BEAN1: variants seen among roughly 807,000 people sequenced by gnomAD.
BEAN1 encodes brain expressed associated with NEDD4 1.
A neutral mutation model predicts 17.7 loss-of-function variants in BEAN1; 17 were observed. The observed-to-expected ratio is 0.96, with a 90% CI of 0.66 to 1.44. The LOEUF is 1.44. BEAN1 is among the 40% of genes most tolerant of loss of function. The pLI is 0.00. For missense variants in BEAN1, 359 were observed against 374.1 expected (o/e 0.96, Z 0.33); for synonymous variants, 142 against 151.8 (o/e 0.94, Z 0.47).
chr16:66,480,861 G>T lies in BEAN1; in HGVS notation c.716G>T (p.Arg239Met). 1 of 1,498,068 alleles carries T rather than the reference G, an allele frequency of 6.7e-7. No homozygotes were observed. The highest frequency in any genetic ancestry group is 1.4e-5 in the African/African-American group (1 of 72,024). The allele number at this position is 1,498,068 out of a possible 1,614,324, so 92.8% of individuals were successfully genotyped here. The change falls in exon 5 of 5, where the codon AGG (arginine) becomes ATG (methionine). Residue 239 changes from arginine (R) to methionine (M), a missense_variant. Coordinates refer to ENST00000536005, the MANE Select transcript of BEAN1 (RefSeq NM_001178020.3). ...LPLPGPDPGPRGSQGSPTPTR... is the reference protein window; with the variant it reads ...LPLPGPDPGPMGSQGSPTPTR... ...CTGCCGGGCCCAGACCCAGGGCCAA[G>T]GGGCTCCCAGGGCTCACCCACCCCA... is the stretch of plus-strand genomic sequence containing the variant.
Position 66,493,524 on chromosome 16 carries a change from C to G in BEAN1, c.*83C>G. The G allele has an allele frequency of 1.2e-5, 7 of 586,552 alleles. No individual in the cohort carries two copies. In the South Asian group the frequency reaches 1.3e-4, roughly 11 times the overall value. 36.3% of individuals were successfully genotyped at this position (586,552 alleles called of 1,614,324 possible). A position where few individuals can be genotyped will look rare whatever the true frequency, so the allele number is the denominator to read the frequency against. ...AGTGACCCTGTCTTACACTGGATGC[C>G]CTGGTTTCCCAAGGACATTTTCCTG... is the stretch of plus-strand genomic sequence containing the variant. On this transcript the variant is annotated 3_prime_UTR_variant, in exon 5 of 5. Transcript: ENST00000561796.
At position 66,457,659 on chromosome 16, in the gene BEAN1, G is replaced by A. The variant is rs999361840; in HGVS notation, c.26-11943G>A. 4.6e-5 allele frequency among the ~76,000 whole-genome samples: 7 copies of A among 151,762 alleles called. No homozygotes were observed. In the South Asian group the frequency reaches 1.0e-3, roughly 23 times the overall value. On this transcript the variant is annotated intron_variant, in intron 2 of 4. Coordinates refer to ENST00000536005, the MANE Select transcript of BEAN1 (RefSeq NM_001178020.3). ...TCCTGATATGCTTAGTTCATCTTTCGAGACCCAGCCCTTCTGTGTCCTCCT... is the reference window on the plus strand; with the variant it reads ...TCCTGATATGCTTAGTTCATCTTTCAAGACCCAGCCCTTCTGTGTCCTCCT...
chr16:66,469,781 C>G lies in BEAN1; in HGVS notation c.205C>G (p.Arg69Gly). ...CAGGGACAGGCAGGCCCGGCTTCAGCGGCACCGCCACCGCCACCACCGCCA... is the reference window on the plus strand; with the variant it reads ...CAGGGACAGGCAGGCCCGGCTTCAGGGGCACCGCCACCGCCACCACCGCCA... ...IRRDRQARLQ[R>G]HRHRHHRHHH... is the part of the protein sequence containing the mutation. Residue 69 changes from arginine to glycine, a missense_variant, in exon 3 of 5, where the codon CGG becomes GGG. Transcript: ENST00000536005. 1 of 1,535,966 alleles carries G rather than the reference C, an allele frequency of 6.5e-7. No homozygotes were observed. Among genetic ancestry groups the G allele is most frequent in the Admixed American group, 2.0e-5 (1 of 51,006 alleles).
At chr16:66,479,520 G>A (rs913219074) in intron 4 of BEAN1, among the ~76,000 whole-genome samples, 34 of 152,160 alleles carry the variant, frequency 2.2e-4, no homozygotes, top group Admixed American at 7.2e-4. Context: ...GCACGACTAC[G>A]AAGACAGAGG....
At chr16:66,454,853 T>C (rs952667056) in intron 2 of BEAN1, among the ~76,000 whole-genome samples, 5 of 152,012 alleles carry the variant, frequency 3.3e-5, no homozygotes, top group Middle Eastern at 3.4e-3. Context: ...TTGGATGGGC[T>C]CTTTCCAACA....
chr16:66,484,163 C>A (rs1342476185), downstream of BEAN1: 1 of 206,676 alleles, frequency 4.8e-6, no homozygotes. This position sits in a 1 kb window ranked among gnomAD's most constrained non-coding sequence, Gnocchi z 4.2. Flanking sequence ...TTATGTCCCC[C>A]TCTCTGTAAG....
At chr16:66,437,522 G>A (rs1962073647) in intron 1 of BEAN1, 73 bp from the exon 2 acceptor site, 1 of 857,864 alleles carries the variant, frequency 1.2e-6, no homozygotes, top group East Asian at 2.7e-5. Context: ...CTCAGGAGAT[G>A]TGAGCGCCCA....
At chr16:66,489,701 G>A (rs1421517383) in intron 4 of BEAN1, among the ~76,000 whole-genome samples, 1 of 152,178 alleles carries the variant, frequency 6.6e-6, no homozygotes, top group Non-Finnish European at 1.5e-5. Flanking sequence ...TTGCAAGGTT[G>A]CAACGGGCAG....
chr16:66,473,029 A>G lies in BEAN1; in HGVS notation c.289+3164A>G, dbSNP rs921684011. Among the ~76,000 whole-genome samples, 1 of 152,164 alleles carries G rather than the reference A, an allele frequency of 6.6e-6. No homozygotes were observed. Among genetic ancestry groups the G allele is most frequent in the Non-Finnish European group, 1.5e-5 (1 of 68,016 alleles). ...AGAGAGAGACCCTGTCTCTAAAAAA[A>G]TAAAAAAATTAAGACTGGGAAACTG... On this transcript the variant is annotated intron_variant, in intron 3 of 4. Transcript: ENST00000536005. This position sits in a 1 kb window ranked among gnomAD's most constrained non-coding sequence, Gnocchi z 4.5.
At chr16:66,493,556 C>T (rs539480434), downstream of BEAN1, 1 of 577,554 alleles carries the variant, frequency 1.7e-6, no homozygotes, top group South Asian at 2.3e-5. Flanking sequence ...CCTGAGAAGC[C>T]TGAAGGGAAA....
At chr16:66,458,309 T>A (rs1962950475) in intron 2 of BEAN1, among the ~76,000 whole-genome samples, 1 of 152,124 alleles carries the variant, frequency 6.6e-6, no homozygotes, top group African/African-American at 2.4e-5. Context: ...GGAGTGATGG[T>A]CTGCCTCAGT....
At chr16:66,483,342 T>C (rs1964038277), downstream of BEAN1, 1 of 159,054 alleles carries the variant, frequency 6.3e-6, no homozygotes, top group Non-Finnish European at 1.4e-5. Context: ...TGGCATCATT[T>C]CTCTGAGACA....
chr16:66,470,170 C>CGATAGATGGATG (rs1555520550), intron 3 of BEAN1: 2 of 343,000 alleles, frequency 5.8e-6, no homozygotes, highest in African/African-American at 4.6e-5. Flanking sequence ...TCTGGTGTCT[C>CGATAGATGGATG]GATGGATGGA....
chr16:66,494,277 T>TAGGAGCCA (rs1437483393), downstream of BEAN1, among the ~76,000 whole-genome samples: 7 of 152,150 alleles, frequency 4.6e-5, no homozygotes, highest in Admixed American at 2.0e-4. Flanking sequence ...TTGTGAGGCA[T>TAGGAGCCA]AGGAGCCAAT....
At chr16:66,455,662 G>T (rs1391946133) in intron 2 of BEAN1, among the ~76,000 whole-genome samples, 1 of 151,308 alleles carries the variant, frequency 6.6e-6, no homozygotes, top group East Asian at 2.0e-4. Context: ...GACAATACCT[G>T]CAGCAACACG....
chr16:66,491,948 T>C (rs1356615510), intron 4 of BEAN1, among the ~76,000 whole-genome samples: 1 of 152,164 alleles, frequency 6.6e-6, no homozygotes, highest in Non-Finnish European at 1.5e-5. Flanking sequence ...TTACTGCCTC[T>C]CCGAGGAAAG....
At chr16:66,476,307 T>C (rs996213066) in intron 3 of BEAN1, 1 of 151,990 alleles carries the variant, frequency 6.6e-6, no homozygotes, top group Non-Finnish European at 1.5e-5. Context: ...CTCACTATTA[T>C]ATGAAGAGTG....
chr16:66,469,989 G>A lies in BEAN1; in HGVS notation c.289+124G>A. ...GGGTGGTCGGGAAAGCATCCTAGAA[G>A]TCTTGGGTGGTCAGGAAGAGCTCAC... On this transcript the variant is annotated intron_variant, in intron 3 of 4. Transcript: ENST00000536005. 3.0e-6 allele frequency: 4 copies of A among 1,330,726 alleles called. No individual in the cohort carries two copies. The East Asian group carries it at 1.0e-4, about 34-fold the overall frequency. 82.4% of individuals were successfully genotyped at this position (1,330,726 alleles called of 1,614,324 possible).
intron 2 of BEAN1, among the ~76,000 whole-genome samples, chr16:66,449,375 A>T (rs973348974): frequency 2.0e-5 from 3 of 152,192 alleles, no homozygotes; most frequent in Non-Finnish European, 4.4e-5. Context: ...TGGGAGACCA[A>T]TGCGGGCAGA....
Sources: allele counts gnomAD v4.1 joint callset (sites outside exome capture counted in the v4.1 genomes callset), GRCh38; gene constraint gnomAD v4.1.1; non-coding constraint Gnocchi (gnomAD v3.1); transcripts MANE v1.5; gene names NCBI Gene and HGNC (gene_info 2026-07-23, HGNC 2026-07-21).